The following UBE2E2 variants were observed in gnomAD, a reference collection of about 807,000 sequenced individuals.
UBE2E2 encodes the protein ubiquitin conjugating enzyme E2 E2.
A neutral mutation model predicts 24.7 loss-of-function variants in UBE2E2; 6 were observed. The ratio of observed to expected loss-of-function variants is 0.24; its 90% CI spans 0.13 to 0.48. The LOEUF (loss-of-function observed/expected upper bound fraction) is 0.48, where lower values mean the gene tolerates loss of function less well. Ranked by LOEUF, UBE2E2 falls within the 20% of genes least tolerant of loss-of-function variation. The pLI is 0.99. For missense variants in UBE2E2, 169 were observed against 245.0 expected, an observed-to-expected ratio of 0.69 and a Z score of 2.07; for synonymous variants, 104 against 83.6, an observed-to-expected ratio of 1.24 and a Z score of -1.33.
intron 4 of UBE2E2, among the ~76,000 whole-genome samples, chr3:23,504,480 A>C (rs1694383586): frequency 6.6e-6 from 1 of 152,172 alleles, no homozygotes; most frequent in Non-Finnish European, 1.5e-5. Context: ...AAGAGTTTGC[A>C]CGTGTTTATA....
chr3:23,559,531 T>C (rs1187643459), intron 5 of UBE2E2, among the ~76,000 whole-genome samples: 1 of 152,198 alleles, frequency 6.6e-6, no homozygotes, highest in Non-Finnish European at 1.5e-5. Context: ...AATACTTGTC[T>C]CCAGAAATAA....
At chr3:23,317,115 G>A (rs562821199) in intron 3 of UBE2E2, among the ~76,000 whole-genome samples, 1 of 152,288 alleles carries the variant, frequency 6.6e-6, no homozygotes, top group South Asian at 2.1e-4. Context: ...CTTGGCTGGT[G>A]TGTCACTAGG....
chr3:23,438,835 G>A (rs1469160051), intron 3 of UBE2E2, among the ~76,000 whole-genome samples: 1 of 152,094 alleles, frequency 6.6e-6, no homozygotes, highest in Non-Finnish European at 1.5e-5. Flanking sequence ...AAAAGAATCA[G>A]AATTACTGTG....
intron 5 of UBE2E2, among the ~76,000 whole-genome samples, chr3:23,558,248 C>A (rs1231593939): frequency 6.6e-6 from 1 of 152,196 alleles, no homozygotes; most frequent in Middle Eastern, 3.2e-3. Context: ...CATTCTCAGT[C>A]CTCAAGAGTA....
chr3:23,326,109 T>C (rs760182791), intron 3 of UBE2E2, among the ~76,000 whole-genome samples: 9 of 152,218 alleles, frequency 5.9e-5, no homozygotes, highest in Non-Finnish European at 1.2e-4. Context: ...TCTTGCTTTC[T>C]CGCCCAGGCT....
chr3:23,264,869 T>C (rs1166562878), intron 3 of UBE2E2, among the ~76,000 whole-genome samples: 2 of 152,224 alleles, frequency 1.3e-5, no homozygotes, highest in Admixed American at 6.5e-5. Context: ...GGTTAAGTGA[T>C]TGTCTTACAA....
chr3:23,320,744 T>C (rs915370816), intron 3 of UBE2E2, among the ~76,000 whole-genome samples: 2 of 152,228 alleles, frequency 1.3e-5, no homozygotes, highest in Non-Finnish European at 2.9e-5. Context: ...CTAGGGATTA[T>C]TGTGGCTTTA....
chr3:23,349,082 C>G (rs1330816413), intron 3 of UBE2E2, among the ~76,000 whole-genome samples: 1 of 152,132 alleles, frequency 6.6e-6, no homozygotes, highest in Admixed American at 6.5e-5. Flanking sequence ...GGAGGCAGCT[C>G]TATGCAGATT....
chr3:23,238,296 C>T (rs1047925753), intron 3 of UBE2E2, among the ~76,000 whole-genome samples: 3 of 152,082 alleles, frequency 2.0e-5, no homozygotes, highest in South Asian at 2.1e-4. Flanking sequence ...TCACAAGATC[C>T]GCCACTGTGA....
chr3:23,428,813 C>T (rs1425838590), intron 3 of UBE2E2, among the ~76,000 whole-genome samples: 3 of 150,994 alleles, frequency 2.0e-5, no homozygotes, highest in African/African-American at 4.9e-5. Flanking sequence ...TAGCCTGGTG[C>T]CACCACATCA....
intron 3 of UBE2E2, among the ~76,000 whole-genome samples, chr3:23,428,904 G>A (rs949801002): frequency 4.6e-5 from 6 of 129,604 alleles, no homozygotes; most frequent in Non-Finnish European, 6.2e-5. Context: ...TCCAGCCTTG[G>A]CAACAAAGTG....
chr3:23,565,468 T>TC (rs1696050028), intron 5 of UBE2E2, among the ~76,000 whole-genome samples: 3 of 146,934 alleles, frequency 2.0e-5, no homozygotes, highest in East Asian at 2.0e-4. Context: ...TTTTTTTTTT[T>TC]TTTCAGTGAA....
chr3:23,523,279 G>T (rs1031345279), intron 4 of UBE2E2, among the ~76,000 whole-genome samples: 2 of 152,184 alleles, frequency 1.3e-5, no homozygotes, highest in Non-Finnish European at 2.9e-5. Context: ...AGAGCACTGA[G>T]AATTGAATAA....
At chr3:23,437,883 A>T (rs1489146197) in intron 3 of UBE2E2, among the ~76,000 whole-genome samples, 2 of 152,216 alleles carry the variant, frequency 1.3e-5, no homozygotes, top group Non-Finnish European at 2.9e-5. Context: ...CATGAGAAAA[A>T]CACAGAGATT....
chr3:23,251,876 A>G (rs1051010820), intron 3 of UBE2E2, among the ~76,000 whole-genome samples: 59 of 152,238 alleles, frequency 3.9e-4, no homozygotes, highest in African/African-American at 1.2e-3. Context: ...GGCAAATGCT[A>G]TACCATTAGA....
intron 3 of UBE2E2, among the ~76,000 whole-genome samples, chr3:23,293,224 A>G (rs1028639515): frequency 5.3e-5 from 8 of 152,220 alleles, no homozygotes; most frequent in Non-Finnish European, 1.0e-4. Context: ...AGATTAAGTA[A>G]AAAGTTATAC....
At chr3:23,452,452 T>C (rs76962210) in intron 3 of UBE2E2, among the ~76,000 whole-genome samples, 132 of 152,314 alleles carry the variant, frequency 8.7e-4, no homozygotes, top group African/African-American at 2.9e-3. Context: ...TAAGAATGTA[T>C]GTTTTGAATC....
Position 23,590,036 on chromosome 3 carries a change from T to C in UBE2E2, c.*205T>C. 2.0e-6 allele frequency: 1 copy of C among 491,758 alleles called. No homozygotes were observed. The highest frequency in any genetic ancestry group is 3.6e-6 in the Non-Finnish European group (1 of 275,592). 30.5% of individuals were successfully genotyped at this position (491,758 alleles called of 1,614,324 possible). On this transcript the variant is annotated 3_prime_UTR_variant, in exon 6 of 6. Coordinates refer to ENST00000396703, the MANE Select transcript of UBE2E2 (RefSeq NM_152653.4). Reference sequence around the variant, plus strand: ...CTCCCACGCTCTCTTTTATCTCTCATTTTATTCCCTTGTTGATTTCTGTTA... The same window carrying C: ...CTCCCACGCTCTCTTTTATCTCTCACTTTATTCCCTTGTTGATTTCTGTTA...
chr3:23,493,523 GT>G, intron 3 of UBE2E2, among the ~76,000 whole-genome samples: 1 of 151,898 alleles, frequency 6.6e-6, no homozygotes, highest in Non-Finnish European at 1.5e-5. Flanking sequence ...AAAGCTTTAG[GT>G]TTTTTTTCTT....
Sources: gnomAD v4.1 joint callset for allele counts (sites outside exome capture counted in the v4.1 genomes callset) on GRCh38, gnomAD v4.1.1 for gene constraint, MANE v1.5 for transcripts, NCBI Gene and HGNC (gene_info 2026-07-23, HGNC 2026-07-21) for gene names.